MYT1L: variants seen among roughly 807,000 people sequenced by gnomAD.
MYT1L encodes the protein myelin transcription factor 1 like.
MYT1L carries 12 observed loss-of-function variants against 126.7 expected under a neutral mutation model. The observed-to-expected ratio is 0.09, with a 90% confidence interval of 0.06 to 0.15. The LOEUF (loss-of-function observed/expected upper bound fraction) is 0.15. MYT1L is among the 10% of genes least tolerant of loss of function. The pLI is 1.00. For synonymous variants in MYT1L, 541 were observed against 604.2 expected (o/e 0.90, Z 1.53); for missense variants, 979 against 1,585.2 (o/e 0.62, Z 6.49).
intron 4 of MYT1L, among the ~76,000 whole-genome samples, chr2:2,016,365 C>T (rs945202175): frequency 1.3e-5 from 2 of 152,224 alleles, no homozygotes; most frequent in African/African-American, 2.4e-5. Flanking sequence ...ACTTGGATGC[C>T]TGAGCAGAGA....
intron 2 of MYT1L, among the ~76,000 whole-genome samples, chr2:2,222,571 A>G (rs561630315): frequency 6.6e-6 from 1 of 152,248 alleles, no homozygotes; most frequent in South Asian, 2.1e-4. Flanking sequence ...ATAGGAGTTA[A>G]GTGTTTTTAA....
rs780423800 is a variant in MYT1L at position 2,228,526 on chromosome 2, AT to A, written c.-420-55539del. Among the ~76,000 whole-genome samples the A allele has an allele frequency of 1.3e-5, 2 of 152,114 alleles. No individual in the cohort carries two copies. The highest frequency in any genetic ancestry group is 6.6e-5 in the Admixed American group (1 of 15,254). On this transcript the variant is annotated intron_variant, in intron 2 of 24. Transcript: ENST00000647738. The surrounding 1 kb of genome is among the most constrained non-coding windows in gnomAD (Gnocchi z 5.9). The stretch of plus-strand genomic sequence containing the variant: ...CTTTAGAACTGGAAGAAAGTTTAGA[AT>A]TTTTTTGCCAATCTTTTTGATTTTA...
chr2:2,170,420 T>C (rs2089858360), intron 3 of MYT1L, among the ~76,000 whole-genome samples: 1 of 152,234 alleles, frequency 6.6e-6, no homozygotes, highest in Non-Finnish European at 1.5e-5. Flanking sequence ...TTGCTCGCTG[T>C]TGCCTGTGGC....
intron 2 of MYT1L, among the ~76,000 whole-genome samples, chr2:2,261,142 CGTGTGTGTGT>C (rs10604026): frequency 4.7e-5 from 7 of 149,102 alleles, no homozygotes; most frequent in Non-Finnish European, 8.9e-5. Flanking sequence ...TGTGTGAGTG[CGTGTGTGTGT>C]GTGTGTGTGT....
chr2:1,859,530 A>G (rs570801963), intron 18 of MYT1L, among the ~76,000 whole-genome samples: 1 of 152,338 alleles, frequency 6.6e-6, no homozygotes, highest in East Asian at 1.9e-4. Flanking sequence ...AGAGTGTGCA[A>G]GAACTGTGAA....
chr2:1,965,070 A>G (rs1010629370), intron 8 of MYT1L, among the ~76,000 whole-genome samples: 11 of 152,262 alleles, frequency 7.2e-5, no homozygotes, highest in Admixed American at 5.9e-4. Context: ...GGTCACCAGC[A>G]GCACTACTAT....
intron 19 of MYT1L, among the ~76,000 whole-genome samples, chr2:1,845,416 T>C (rs1208625649): frequency 2.0e-5 from 3 of 152,102 alleles, no homozygotes; most frequent in Non-Finnish European, 4.4e-5. Context: ...AATCCCAAAG[T>C]TAATGTGTTT....
At chr2:2,083,071 A>C (rs1053794072) in intron 3 of MYT1L, among the ~76,000 whole-genome samples, 5 of 152,204 alleles carry the variant, frequency 3.3e-5, no homozygotes. Context: ...ACAAGCTGTG[A>C]GCTTGCACAC....
intron 1 of MYT1L, among the ~76,000 whole-genome samples, chr2:2,285,219 C>T (rs2095502785): frequency 6.6e-6 from 1 of 152,166 alleles, no homozygotes; most frequent in African/African-American, 2.4e-5. Context: ...AGGTTCTGGA[C>T]TTGGGGAGTG....
In MYT1L at chr2:1,791,322, A is replaced by AT; in HGVS notation, c.*544dup. The AT allele has an allele frequency of 4.4e-6, 2 of 450,070 alleles. No homozygotes were observed. Among genetic ancestry groups the AT allele is most frequent in the South Asian group, 1.7e-5 (1 of 59,976 alleles). The allele number at this position is 450,070 out of a possible 1,614,324, so 27.9% of individuals were successfully genotyped here. ...TCCAAGCATTGTTCAAAAATAAAGC[A>AT]TTTTTGCAACGAATTCTTGCTATGA... On this transcript the variant is annotated 3_prime_UTR_variant, in exon 25 of 25. Coordinates refer to ENST00000647738, the MANE Select transcript of MYT1L (RefSeq NM_001303052.2). The surrounding 1 kb of genome is among the most constrained non-coding windows in gnomAD (Gnocchi z 6.0).
At chr2:2,203,424 A>C (rs146993036) in intron 2 of MYT1L, among the ~76,000 whole-genome samples, 11,288 of 149,642 alleles carry the variant, frequency 0.075, 563 homozygotes, top group South Asian at 0.17. Context: ...TCTCAGGATA[A>C]AAAATCAATG....
chr2:1,958,807 C>T (rs1273925558), intron 8 of MYT1L, among the ~76,000 whole-genome samples: 1 of 148,516 alleles, frequency 6.7e-6, no homozygotes, highest in Admixed American at 6.8e-5. Flanking sequence ...CTGCAGAGGC[C>T]CCTTCTTCTA....
chr2:1,923,063 C>T lies in MYT1L; in HGVS notation c.706G>A (p.Asp236Asn), dbSNP rs1003039613. The change falls in exon 10 of 25, where the codon GAT becomes AAT. Residue 236 changes from aspartate (D) to asparagine (N), a missense_variant. Asp to Asn is a conservative substitution (Grantham distance 23). Transcript: ENST00000647738. ...NSNTSNSLED[D>N]SDKNENLGRK... Reference sequence around the variant, plus strand: ...CCCAGGTTTTCGTTTTTGTCACTATCGTCTTCCAGACTATTGGAGGTATTG... The same window carrying T: ...CCCAGGTTTTCGTTTTTGTCACTATTGTCTTCCAGACTATTGGAGGTATTG... 1.1e-5 allele frequency: 18 copies of T among 1,613,898 alleles called. No homozygotes were observed. Among genetic ancestry groups the T allele is most frequent in the East Asian group, 2.2e-5 (1 of 44,880 alleles).
chr2:2,236,393 C>G (rs1400176609), intron 2 of MYT1L, among the ~76,000 whole-genome samples: 2 of 145,132 alleles, frequency 1.4e-5, no homozygotes, highest in African/African-American at 2.6e-5. Flanking sequence ...CCAGTACATC[C>G]CAACCTAACC....
At chr2:2,145,171 A>G (rs2084684553) in intron 3 of MYT1L, among the ~76,000 whole-genome samples, 1 of 152,220 alleles carries the variant, frequency 6.6e-6, no homozygotes, top group Non-Finnish European at 1.5e-5. Flanking sequence ...ACTTCATGGA[A>G]CTGGCATACA....
intron 9 of MYT1L, among the ~76,000 whole-genome samples, chr2:1,936,674 T>C (rs2055931810): frequency 6.6e-6 from 1 of 152,216 alleles, no homozygotes; most frequent in Non-Finnish European, 1.5e-5. Flanking sequence ...CTTTTCACAG[T>C]CTGTCTGCGT....
chr2:1,795,768 A>C (rs933827129), intron 23 of MYT1L: 9 of 152,268 alleles, frequency 5.9e-5, no homozygotes, highest in African/African-American at 2.2e-4. Flanking sequence ...AAGAAACATC[A>C]AAGGTTTTTC....
rs1268076054 is a variant in MYT1L, at chr2:1,790,706, G to A, written c.*1161C>T. The A allele has an allele frequency of 6.4e-6, 1 of 155,168 alleles. No homozygotes were observed. The highest frequency in any genetic ancestry group is 1.9e-4 in the East Asian group (1 of 5,254). 9.6% of individuals were successfully genotyped at this position (155,168 alleles called of 1,614,324 possible). On this transcript the variant is annotated 3_prime_UTR_variant, in exon 25 of 25. Coordinates refer to ENST00000647738, the MANE Select transcript of MYT1L (RefSeq NM_001303052.2). The stretch of plus-strand genomic sequence containing the variant: ...TCAAAGTCGGGCGGGGGGAGCAGGA[G>A]GGAAACTTTACCGAGCTGCCTTCCC...
At chr2:2,306,838 T>C (rs1182245889) in intron 1 of MYT1L, among the ~76,000 whole-genome samples, 1 of 152,160 alleles carries the variant, frequency 6.6e-6, no homozygotes, top group Non-Finnish European at 1.5e-5. Flanking sequence ...TGAAGAACAG[T>C]GTTTCATAGC....
Sources: gnomAD v4.1 joint callset for allele counts (sites outside exome capture counted in the v4.1 genomes callset) on GRCh38, gnomAD v4.1.1 for gene constraint, Gnocchi (gnomAD v3.1) non-coding constraint, MANE v1.5 for transcripts, NCBI Gene and HGNC (gene_info 2026-07-23, HGNC 2026-07-21) for gene names.